DNAJC6: variants seen among roughly 807,000 people sequenced by gnomAD.
DNAJC6 encodes auxilin.
In DNAJC6, 34 loss-of-function variants were observed where a neutral mutation model predicts 110.0. That is an observed-to-expected ratio of 0.31 (90% CI 0.24 to 0.41). The LOEUF (loss-of-function observed/expected upper bound fraction) is 0.41. DNAJC6 is among the 10% of genes least tolerant of loss of function. DNAJC6 has a pLI of 1.00. For missense variants in DNAJC6, 1,031 were observed against 1,207.8 expected (o/e 0.85, Z 2.17); for synonymous variants, 406 against 437.2 (o/e 0.93, Z 0.89).
intron 1 of DNAJC6, among the ~76,000 whole-genome samples, chr1:65,349,668 G>A (rs575609328): frequency 6.6e-6 from 1 of 152,068 alleles, no homozygotes; most frequent in South Asian, 2.1e-4. Context: ...ATGAATGTTA[G>A]CCATTATTGA....
intron 7 of DNAJC6, 111 bp from the exon 8 acceptor site, chr1:65,386,701 G>C: frequency 1.1e-6 from 1 of 907,098 alleles, no homozygotes; most frequent in Non-Finnish European, 1.7e-6. Context: ...TCTGGGTCCG[G>C]GCCTGGGCGA....
At position 65,369,372 on chromosome 1, in the gene DNAJC6, C is replaced by T. The variant is rs528755395; in HGVS notation, c.543+3176C>T. On this transcript the variant is annotated intron_variant, in intron 4 of 18. Coordinates refer to ENST00000371069, the MANE Select transcript of DNAJC6 (RefSeq NM_001256864.2). ...AGCACTAACACTGTGAATGGATTTG[C>T]ATCTCATTGTTGCATGACTTAGAAA... Among the ~76,000 whole-genome samples the T allele has an allele frequency of 3.3e-3, 507 of 152,288 alleles. 2 individuals carry two copies. The highest frequency in any genetic ancestry group is 7.6e-3 in the Admixed American group (116 of 15,300).
At chr1:65,331,319 G>T (rs1242550273) in intron 1 of DNAJC6, among the ~76,000 whole-genome samples, 1 of 152,172 alleles carries the variant, frequency 6.6e-6, no homozygotes, top group African/African-American at 2.4e-5. Flanking sequence ...CTGAAAATCA[G>T]AATCTTTGGT....
intron 4 of DNAJC6, among the ~76,000 whole-genome samples, chr1:65,372,679 G>T (rs1645718765): frequency 6.6e-6 from 1 of 152,008 alleles, no homozygotes; most frequent in Non-Finnish European, 1.5e-5. Flanking sequence ...TAATCAAGTA[G>T]TAAATGGTAA....
intron 11 of DNAJC6, among the ~76,000 whole-genome samples, chr1:65,391,699 A>AAC (rs1163505236): frequency 6.6e-6 from 1 of 152,150 alleles, no homozygotes; most frequent in Non-Finnish European, 1.5e-5. Context: ...AAAAAAAATC[A>AAC]ACACTTAGGT....
At position 65,408,739 on chromosome 1, in the gene DNAJC6, A is replaced by C; in HGVS notation, c.2590A>C (p.Arg864=). Residue 864 remains arginine, a synonymous_variant, in exon 17 of 19, where the codon AGA becomes CGA. Coordinates refer to ENST00000371069, the MANE Select transcript of DNAJC6 (RefSeq NM_001256864.2). The part of the protein sequence containing the change: ...KKGPRTIAEM[R]KEEMAKEMDP... ...GGGGCCTCGGACAATAGCTGAGATG[A>C]GAAAGGAGGAAATGGCCAAGGAAAT... 3 of 1,614,082 alleles carry C rather than the reference A, an allele frequency of 1.9e-6. No individual in the cohort carries two copies. Among genetic ancestry groups the C allele is most frequent in the Non-Finnish European group, 2.5e-6 (3 of 1,179,998 alleles).
In DNAJC6 at chr1:65,411,323, C is replaced by T. The variant is rs749740936; in HGVS notation, c.2708C>T (p.Ala903Val). The change falls in exon 18 of 19, where the codon GCT becomes GTT. Residue 903 changes from alanine to valine, a missense_variant. Transcript: ENST00000371069. ...TCCACGATGCATACCGTACTATGGG[C>T]TGGGGAGACCAAGTGGAAACCAGTT... ...LLSTMHTVLW[A>V]GETKWKPVGM... 5 of 1,614,116 alleles carry T rather than the reference C, an allele frequency of 3.1e-6. No homozygotes were observed. The highest frequency in any genetic ancestry group is 1.7e-5 in the Admixed American group (1 of 60,024).
At chr1:65,412,067 C>T (rs1646134566) in intron 18 of DNAJC6, among the ~76,000 whole-genome samples, 1 of 152,176 alleles carries the variant, frequency 6.6e-6, no homozygotes, top group Non-Finnish European at 1.5e-5. Context: ...TTTAGAGATA[C>T]AGCAGTATAG....
intron 4 of DNAJC6, among the ~76,000 whole-genome samples, chr1:65,372,524 G>A (rs918184981): frequency 6.6e-6 from 1 of 152,122 alleles, no homozygotes; most frequent in Non-Finnish European, 1.5e-5. Flanking sequence ...GGTATAAGCA[G>A]TTTATTCAGT....
chr1:65,319,622 AAAAAATAAAAAAAAC>A (rs1246445898), intron 1 of DNAJC6, among the ~76,000 whole-genome samples: 4 of 152,074 alleles, frequency 2.6e-5, no homozygotes, highest in Non-Finnish European at 4.4e-5. Flanking sequence ...AATTCTCTGG[AAAAAATAAAAAAAAC>A]AAAAAACAAA....
At chr1:65,338,931 A>G (rs1645362787) in intron 1 of DNAJC6, among the ~76,000 whole-genome samples, 1 of 151,270 alleles carries the variant, frequency 6.6e-6, no homozygotes, top group South Asian at 2.1e-4. Flanking sequence ...ATCTTTGCAA[A>G]CTCCAGCTTT....
At chr1:65,296,846 A>G (rs561198667) in intron 1 of DNAJC6, among the ~76,000 whole-genome samples, 1 of 152,124 alleles carries the variant, frequency 6.6e-6, no homozygotes, top group African/African-American at 2.4e-5. Context: ...TCGGCCTCCA[A>G]AAGTGCTGGG....
chr1:65,401,968 G>T (rs545579580), intron 15 of DNAJC6, 88 bp downstream of exon 15: 2 of 1,550,556 alleles, frequency 1.3e-6, no homozygotes, highest in South Asian at 1.2e-5. Context: ...CAGCAAGCTG[G>T]TATTGTCACC....
chr1:65,287,878 A>G (rs1375572794), intron 1 of DNAJC6, among the ~76,000 whole-genome samples: 1 of 152,206 alleles, frequency 6.6e-6, no homozygotes, highest in African/African-American at 2.4e-5. Flanking sequence ...TGTCGGGATA[A>G]CAGGCATGAG....
chr1:65,322,238 A>G (rs6673087), intron 1 of DNAJC6, among the ~76,000 whole-genome samples: 83,146 of 152,014 alleles, frequency 0.55, 22,948 homozygotes, highest in Non-Finnish European at 0.59. Flanking sequence ...AACCTATTTT[A>G]GTTTATAGCA....
chr1:65,305,414 A>G (rs1645028003), upstream of DNAJC6, among the ~76,000 whole-genome samples: 1 of 152,182 alleles, frequency 6.6e-6, no homozygotes, highest in Non-Finnish European at 1.5e-5. Context: ...ACCCAAAACA[A>G]TATTTTAAGA....
At chr1:65,391,958 AG>A (rs1201167521) in intron 11 of DNAJC6, among the ~76,000 whole-genome samples, 5 of 152,270 alleles carry the variant, frequency 3.3e-5, no homozygotes, top group African/African-American at 1.2e-4. Context: ...TTGTATTATT[AG>A]TAGAGATGGG....
intron 5 of DNAJC6, among the ~76,000 whole-genome samples, chr1:65,383,231 A>G (rs563981701): frequency 9.8e-5 from 15 of 152,348 alleles, no homozygotes; most frequent in African/African-American, 3.4e-4. Context: ...AGCTGCTGTA[A>G]CAAATATACC....
upstream of DNAJC6, among the ~76,000 whole-genome samples, chr1:65,307,006 CTCTCTCTCTCTCTATATATATA>C (rs1251834759): frequency 1.2e-4 from 12 of 98,810 alleles, no homozygotes; most frequent in African/African-American, 5.4e-4. Flanking sequence ...CTCTCTCTCT[CTCTCTCTCTCTCTATATATATA>C]TATATATATA....
Sources: gnomAD v4.1 joint callset for allele counts (sites outside exome capture counted in the v4.1 genomes callset) on GRCh38, gnomAD v4.1.1 for gene constraint, MANE v1.5 for transcripts, NCBI Gene and HGNC (gene_info 2026-07-23, HGNC 2026-07-21) for gene names.